The following MYCN variants were observed in gnomAD, a reference collection of about 807,000 sequenced individuals.
MYCN encodes the protein N-myc proto-oncogene protein.
In MYCN, 3 loss-of-function variants were observed where a neutral mutation model predicts 28.1. That is an observed-to-expected ratio of 0.11 (90% CI 0.05 to 0.28). MYCN has a LOEUF of 0.28. MYCN is among the 10% of genes least tolerant of loss of function. The pLI is 1.00. For synonymous variants in MYCN, 326 were observed against 288.3 expected (o/e 1.13, Z -1.32); for missense variants, 572 against 651.4 (o/e 0.88, Z 1.33).
At chr2:15,944,630 G>A (rs1043118039) in intron 2 of MYCN, among the ~76,000 whole-genome samples, 1 of 152,196 alleles carries the variant, frequency 6.6e-6, no homozygotes, top group Non-Finnish European at 1.5e-5. Flanking sequence ...CTCTTTAAGT[G>A]TGGAGCTAGA....
Position 15,942,839 on chromosome 2 carries a change from A to T in MYCN, c.775A>T (p.Thr259Ser). Residue 259 changes from threonine (T) to serine (S), a missense_variant, in exon 2 of 3, where the codon ACC becomes TCC. Physicochemically the swap from Thr to Ser is moderately conservative, Grantham distance 58. Around this residue, in one of 3 missense-constraint regions of MYCN, gnomAD observed 499 missense variants for 524.3 expected, o/e 0.95. Transcript: ENST00000281043. The surrounding 1 kb of genome is among the most constrained non-coding windows in gnomAD (Gnocchi z 7.0). ...HKALSTSGED[T>S]LSDSDDEDDE... is the part of the protein sequence containing the mutation. The stretch of plus-strand genomic sequence containing the variant: ...GGCCCTCAGTACCTCCGGAGAGGAC[A>T]CCCTGAGCGATTCAGGTAAAGACCG... 1.3e-6 allele frequency: 2 copies of T among 1,584,306 alleles called. No homozygotes were observed. The highest frequency in any genetic ancestry group is 1.7e-6 in the Non-Finnish European group (2 of 1,172,474).
In MYCN at chr2:15,941,936, T is replaced by C. The variant is rs1662689080; in HGVS notation, c.-117-12T>C. 8.6e-7 allele frequency: 1 copy of C among 1,168,742 alleles called. No individual in the cohort carries two copies. The highest frequency in any genetic ancestry group is 1.2e-6 in the Non-Finnish European group (1 of 815,514). 72.4% of individuals were successfully genotyped at this position (1,168,742 alleles called of 1,614,324 possible). A position where few individuals can be genotyped will look rare whatever the true frequency, so the allele number is the denominator to read the frequency against. On this transcript the variant is annotated splice_polypyrimidine_tract_variant and intron_variant, in intron 1 of 2. Coordinates refer to ENST00000281043, the MANE Select transcript of MYCN (RefSeq NM_005378.6). This position sits in a 1 kb window ranked among gnomAD's most constrained non-coding sequence, Gnocchi z 4.8. ...GTTTGCCCACCCTCTCCGGTGTGTC[T>C]GTCGGTTGCAGTGTTGGAGGTCGGC...
rs2103332220 is a variant in MYCN at position 15,946,087 on chromosome 2, G to A, written c.1385G>A (p.Arg462Gln). 4.3e-6 allele frequency: 7 copies of A among 1,614,156 alleles called. No homozygotes were observed. The highest frequency in any genetic ancestry group is 2.2e-5 in the East Asian group (1 of 44,888). Residue 462 changes from arginine to glutamine, a missense_variant, in exon 3 of 3, where the codon CGG becomes CAG. Around this residue, in one of 3 missense-constraint regions of MYCN, gnomAD observed 61 missense variants for 81.6 expected, o/e 0.75. Coordinates refer to ENST00000281043, the MANE Select transcript of MYCN (RefSeq NM_005378.6). ...QQLLKKIEHA[R>Q]TC ...TTGCTAAAGAAAATTGAACACGCTC[G>A]GACTTGCTAGACGCTTCTCAAAACT...
chr2:15,941,909 C>T lies in MYCN; in HGVS notation c.-117-39C>T, dbSNP rs186146246. On this transcript the variant is annotated intron_variant, in intron 1 of 2. Coordinates refer to ENST00000281043, the MANE Select transcript of MYCN (RefSeq NM_005378.6). The surrounding 1 kb of genome is among the most constrained non-coding windows in gnomAD (Gnocchi z 4.8). ...CCATTGCCTATCCCCTCGGTCTGCCCCGTTTGCCCACCCTCTCCGGTGTGT... is the reference window on the plus strand; with the variant it reads ...CCATTGCCTATCCCCTCGGTCTGCCTCGTTTGCCCACCCTCTCCGGTGTGT... The T allele has an allele frequency of 3.1e-3, 2,831 of 899,698 alleles. 5 individuals carry two copies. Among genetic ancestry groups the T allele is most frequent in the Admixed American group, 4.2e-3 (189 of 45,024 alleles). 55.7% of individuals were successfully genotyped at this position (899,698 alleles called of 1,614,324 possible).
At chr2:15,944,984 G>C (rs935183371) in intron 2 of MYCN, among the ~76,000 whole-genome samples, 2 of 146,654 alleles carry the variant, frequency 1.4e-5, no homozygotes, top group Non-Finnish European at 3.0e-5. Context: ...ATGTATGTAT[G>C]TATGTATGGG....
rs747637579 is a variant in MYCN, at chr2:15,946,013, G to C, written c.1311G>C (p.Glu437Asp). The change falls in exon 3 of 3, where the codon GAG (glutamate) becomes GAC (aspartate). Residue 437 changes from glutamate (E) to aspartate (D), a missense_variant. Around this residue, in one of 3 missense-constraint regions of MYCN, gnomAD observed 61 missense variants for 81.6 expected, o/e 0.75. Transcript: ENST00000281043. ...TEYVHSLQAE[E>D]HQLLLEKEKL... The stretch of plus-strand genomic sequence containing the variant: ...ATGTCCACTCCCTCCAGGCCGAGGA[G>C]CACCAGCTTTTGCTGGAAAAGGAAA... 6.2e-7 allele frequency: 1 copy of C among 1,614,216 alleles called. No homozygotes were observed. Among genetic ancestry groups the C allele is most frequent in the Non-Finnish European group, 8.5e-7 (1 of 1,180,048 alleles).
At chr2:15,943,664 T>C (rs1467497318) in intron 2 of MYCN, among the ~76,000 whole-genome samples, 1 of 152,224 alleles carries the variant, frequency 6.6e-6, no homozygotes, top group African/African-American at 2.4e-5. Context: ...TAGTTTTGTC[T>C]TCCAGCCTGA....
At chr2:15,943,806 A>G (rs1460680301) in intron 2 of MYCN, among the ~76,000 whole-genome samples, 1 of 152,064 alleles carries the variant, frequency 6.6e-6, no homozygotes, top group Non-Finnish European at 1.5e-5. Flanking sequence ...TATTGTGTTC[A>G]TTTGTCTGTG....
Position 15,942,447 on chromosome 2 carries a change from G to T in MYCN, c.383G>T (p.Arg128Leu). ...SGFSAREKLE[R>L]AVSEKLQHGR... The stretch of plus-strand genomic sequence containing the variant: ...TTCTCCGCCCGCGAGAAGCTGGAGC[G>T]CGCCGTGAGCGAGAAGCTGCAGCAC... Residue 128 changes from arginine to leucine, a missense_variant, in exon 2 of 3, where the codon CGC becomes CTC. By Grantham distance (102) the Arg-to-Leu change is moderately radical. Coordinates refer to ENST00000281043, the MANE Select transcript of MYCN (RefSeq NM_005378.6). The surrounding 1 kb of genome is among the most constrained non-coding windows in gnomAD (Gnocchi z 7.0). The T allele has an allele frequency of 6.3e-7, 1 of 1,595,430 alleles. No homozygotes were observed.
At position 15,941,769 on chromosome 2, in the gene MYCN, A is replaced by G. The variant is rs1176870487; in HGVS notation, c.-117-179A>G. On this transcript the variant is annotated intron_variant, in intron 1 of 2. Coordinates refer to ENST00000281043, the MANE Select transcript of MYCN (RefSeq NM_005378.6). The surrounding 1 kb of genome is among the most constrained non-coding windows in gnomAD (Gnocchi z 4.8). ...ACCCCCTGTCGTAGACAGCTTGTAC[A>G]CAAAAGGAGGGCGGGAGGGAGGGAG... The G allele has an allele frequency of 3.7e-6, 2 of 534,564 alleles. No homozygotes were observed. Among genetic ancestry groups the G allele is most frequent in the African/African-American group, 1.9e-5 (1 of 52,294 alleles). 33.1% of individuals were successfully genotyped at this position (534,564 alleles called of 1,614,324 possible).
Position 15,942,860 on chromosome 2 carries a change from G to A in MYCN, c.790+6G>A. 1 of 1,583,184 alleles carries A rather than the reference G, an allele frequency of 6.3e-7. No individual in the cohort carries two copies. The highest frequency in any genetic ancestry group is 8.5e-7 in the Non-Finnish European group (1 of 1,171,572). On this transcript the variant is annotated splice_donor_region_variant and intron_variant, in intron 2 of 2. Transcript: ENST00000281043. The surrounding 1 kb of genome is among the most constrained non-coding windows in gnomAD (Gnocchi z 7.0). ...GGACACCCTGAGCGATTCAGGTAAAGACCGAACTCGGGTCCGGCTGCCTCC... is the reference window on the plus strand; with the variant it reads ...GGACACCCTGAGCGATTCAGGTAAAAACCGAACTCGGGTCCGGCTGCCTCC...
At chr2:15,944,664 G>A (rs1662812259) in intron 2 of MYCN, among the ~76,000 whole-genome samples, 1 of 152,212 alleles carries the variant, frequency 6.6e-6, no homozygotes, top group African/African-American at 2.4e-5. Flanking sequence ...CCACAGGGCA[G>A]ACTGGTGATT....
In MYCN at chr2:15,942,300, C is replaced by T. The variant is rs1220809230; in HGVS notation, c.236C>T (p.Thr79Met). ...AGCTCCGAGCCCCCGAGCTGGGTCA[C>T]GGAGATGCTGCTTGAGAACGAGCTG... ...EHSSEPPSWVTEMLLENELWG... is the reference protein window; with the variant it reads ...EHSSEPPSWVMEMLLENELWG... Residue 79 changes from threonine to methionine, a missense_variant, in exon 2 of 3, where the codon ACG becomes ATG. Physicochemically the swap from Thr to Met is moderately conservative, Grantham distance 81. This residue lies in a region of MYCN where 499 missense variants were observed against 524.3 expected (regional missense o/e 0.95). Transcript: ENST00000281043. The surrounding 1 kb of genome is among the most constrained non-coding windows in gnomAD (Gnocchi z 7.0). 1 of 1,610,472 alleles carries T rather than the reference C, an allele frequency of 6.2e-7. No homozygotes were observed. Among genetic ancestry groups the T allele is most frequent in the South Asian group, 1.1e-5 (1 of 90,680 alleles).
At position 15,945,672 on chromosome 2, in the gene MYCN, C is replaced by T. The variant is rs1415282459; in HGVS notation, c.970C>T (p.Leu324Phe). 2.5e-6 allele frequency: 4 copies of T among 1,614,066 alleles called. No individual in the cohort carries two copies. In the African/African-American group the frequency reaches 5.3e-5, roughly 22 times the overall value. ...QSSELILKRC[L>F]PIHQQHNYAA... ...CAGCGAGCTGATCCTCAAACGATGC[C>T]TTCCCATCCACCAGCAGCACAACTA... The change falls in exon 3 of 3, where the codon CTT becomes TTT. Residue 324 changes from leucine (L) to phenylalanine (F), a missense_variant. Leu to Phe is a conservative substitution (Grantham distance 22). Around this residue, in one of 3 missense-constraint regions of MYCN, gnomAD observed 499 missense variants for 524.3 expected, o/e 0.95. Transcript: ENST00000281043. The surrounding 1 kb of genome is among the most constrained non-coding windows in gnomAD (Gnocchi z 4.8).
In MYCN at chr2:15,942,481, G is replaced by T; in HGVS notation, c.417G>T (p.Gly139=). The T allele has an allele frequency of 6.4e-7, 1 of 1,552,986 alleles. No individual in the cohort carries two copies. Among genetic ancestry groups the T allele is most frequent in the African/African-American group, 1.4e-5 (1 of 73,458 alleles). Residue 139 remains glycine (G), a synonymous_variant, in exon 2 of 3, where the codon GGG becomes GGT. Coordinates refer to ENST00000281043, the MANE Select transcript of MYCN (RefSeq NM_005378.6). The surrounding 1 kb of genome is among the most constrained non-coding windows in gnomAD (Gnocchi z 7.0). ...AVSEKLQHGR[G]PPTAGSTAQS... ...GCGAGAAGCTGCAGCACGGCCGCGG[G>T]CCGCCAACCGCCGGTTCCACCGCCC...
Position 15,942,762 on chromosome 2 carries a change from G to C in MYCN, c.698G>C (p.Gly233Ala), listed in dbSNP as rs1368756316. ...AGIAAPAGAPGVAPPRPGGRQ... is the reference protein window; with the variant it reads ...AGIAAPAGAPAVAPPRPGGRQ... ...ATTGCCGCCCCAGCCGGGGCCCCGG[G>C]GGTCGCCCCTCCGCGCCCAGGCGGC... Residue 233 changes from glycine to alanine, a missense_variant, in exon 2 of 3, where the codon GGG (glycine) becomes GCG (alanine). This residue lies in a region of MYCN where 499 missense variants were observed against 524.3 expected (regional missense o/e 0.95). Transcript: ENST00000281043. The surrounding 1 kb of genome is among the most constrained non-coding windows in gnomAD (Gnocchi z 7.0). 2.1e-6 allele frequency: 3 copies of C among 1,431,422 alleles called. No individual in the cohort carries two copies. In the Admixed American group the frequency reaches 6.9e-5, roughly 33 times the overall value. The allele number at this position is 1,431,422 out of a possible 1,614,324, so 88.7% of individuals were successfully genotyped here.
In MYCN at chr2:15,944,500, C is replaced by T. The variant is rs73212252; in HGVS notation, c.791-993C>T. Among the ~76,000 whole-genome samples the T allele has an allele frequency of 2.9e-3, 440 of 152,210 alleles. 3 individuals are homozygous for T. Among genetic ancestry groups the T allele is most frequent in the African/African-American group, 1.0e-2 (415 of 41,540 alleles). On this transcript the variant is annotated intron_variant, in intron 2 of 2. Coordinates refer to ENST00000281043, the MANE Select transcript of MYCN (RefSeq NM_005378.6). Reference sequence around the variant, plus strand: ...ATTGTATAAAACTCAGGTTTGTGGACGAAAAGTTGTTTTTTTTCTTCAGTT... The same window carrying T: ...ATTGTATAAAACTCAGGTTTGTGGATGAAAAGTTGTTTTTTTTCTTCAGTT...
In MYCN at chr2:15,945,929, G is replaced by A. The variant is rs972254818; in HGVS notation, c.1227G>A (p.Pro409=). The change falls in exon 3 of 3, where the codon CCG becomes CCA. Residue 409 remains proline, a synonymous_variant. Coordinates refer to ENST00000281043, the MANE Select transcript of MYCN (RefSeq NM_005378.6). The surrounding 1 kb of genome is among the most constrained non-coding windows in gnomAD (Gnocchi z 4.8). The stretch of plus-strand genomic sequence containing the variant: ...TTCTCACGCTCAGGGACCACGTGCC[G>A]GAGTTGGTAAAGAATGAGAAGGCCG... ...SSFLTLRDHV[P]ELVKNEKAAK... 1.1e-5 allele frequency: 17 copies of A among 1,614,140 alleles called. No individual in the cohort carries two copies. Among genetic ancestry groups the A allele is most frequent in the African/African-American group, 1.3e-5 (1 of 75,038 alleles).
chr2:15,941,582 C>A lies in MYCN; in HGVS notation c.-117-366C>A. ...CCTGGGGCTTCCCCTGAGCAGCCGGCCCCACACCGCTGCGAGTGCGGTTGT... is the reference window on the plus strand; with the variant it reads ...CCTGGGGCTTCCCCTGAGCAGCCGGACCCACACCGCTGCGAGTGCGGTTGT... On this transcript the variant is annotated intron_variant, in intron 1 of 2. Transcript: ENST00000281043. This position sits in a 1 kb window ranked among gnomAD's most constrained non-coding sequence, Gnocchi z 4.8. 1 of 225,790 alleles carries A rather than the reference C, an allele frequency of 4.4e-6. No individual in the cohort carries two copies. The highest frequency in any genetic ancestry group is 8.9e-6 in the Non-Finnish European group (1 of 112,158). The allele number at this position is 225,790 out of a possible 1,614,324, so 14.0% of individuals were successfully genotyped here.
Sources: allele counts gnomAD v4.1 joint callset (sites outside exome capture counted in the v4.1 genomes callset), GRCh38; gene constraint gnomAD v4.1.1; regional missense constraint gnomAD v4.1.1; non-coding constraint Gnocchi (gnomAD v3.1); transcripts MANE v1.5; gene names NCBI Gene and HGNC (gene_info 2026-07-23, HGNC 2026-07-21).